The following VAV2 variants were observed in gnomAD, a reference collection of about 807,000 sequenced individuals.
VAV2 encodes the protein vav guanine nucleotide exchange factor 2.
A neutral mutation model predicts 132.5 loss-of-function variants in VAV2; 67 were observed. The observed-to-expected ratio is 0.51, with a 90% CI of 0.42 to 0.62. The LOEUF (loss-of-function observed/expected upper bound fraction) is 0.62, where lower values mean the gene tolerates loss of function less well. Ranked by LOEUF, VAV2 falls within the 20% of genes least tolerant of loss-of-function variation. The pLI, the probability that VAV2 is intolerant of heterozygous loss-of-function variation, is 0.00. For missense variants in VAV2, 938 were observed against 1,153.6 expected (o/e 0.81, Z 2.71); for synonymous variants, 492 against 443.5 (o/e 1.11, Z -1.37).
At chr9:133,927,590 C>A (rs1027077899) in intron 2 of VAV2, among the ~76,000 whole-genome samples, 1 of 152,224 alleles carries the variant, frequency 6.6e-6, no homozygotes, top group African/African-American at 2.4e-5. Flanking sequence ...CCCAGCACCC[C>A]AACTCACCCC....
intron 4 of VAV2, 102 bp from the exon 5 acceptor site, chr9:133,812,318 C>A: frequency 1.7e-6 from 2 of 1,160,894 alleles, no homozygotes; most frequent in Non-Finnish European, 2.5e-6. Flanking sequence ...GCGGCTGGGG[C>A]CACAGCGAGG....
intron 4 of VAV2, among the ~76,000 whole-genome samples, chr9:133,831,364 A>AG (rs959837328): frequency 6.6e-6 from 1 of 151,920 alleles, no homozygotes; most frequent in African/African-American, 2.4e-5. Flanking sequence ...TGAACCCTGG[A>AG]GGTGGAGGTT....
Position 133,794,356 on chromosome 9 carries a change from CG to C in VAV2, c.1101+1311del, listed in dbSNP as rs1834620904. ...GTGCTCGCTGCCCAGTGCAGCCGAGCGGGAATCTGAAGGTCTCTGGGACCAC... is the reference window on the plus strand; with the variant it reads ...GTGCTCGCTGCCCAGTGCAGCCGAGCGGAATCTGAAGGTCTCTGGGACCAC... On this transcript the variant is annotated intron_variant, in intron 12 of 29. Coordinates refer to ENST00000371850, the MANE Select transcript of VAV2 (RefSeq NM_001134398.2). The surrounding 1 kb of genome is among the most constrained non-coding windows in gnomAD (Gnocchi z 4.6). Among the ~76,000 whole-genome samples, 1 of 152,026 alleles carries C rather than the reference CG, an allele frequency of 6.6e-6. No homozygotes were observed. Among genetic ancestry groups the C allele is most frequent in the Non-Finnish European group, 1.5e-5 (1 of 67,992 alleles).
rs749277966 is a variant in VAV2 at position 133,824,019 on chromosome 9, C to T, written c.449+10253G>A. ...AGCAGGGTTTCGAGGTCACTGAAGC[C>T]CCCAGCCACGTGGCAGCAGGGCCTC... On this transcript the variant is annotated intron_variant, in intron 4 of 29. Coordinates refer to ENST00000371850, the MANE Select transcript of VAV2 (RefSeq NM_001134398.2). The surrounding 1 kb of genome is among the most constrained non-coding windows in gnomAD (Gnocchi z 5.2). Among the ~76,000 whole-genome samples the T allele has an allele frequency of 6.6e-5, 10 of 152,100 alleles. No individual in the cohort carries two copies. The highest frequency in any genetic ancestry group is 1.5e-4 in the Non-Finnish European group (10 of 68,026).
At chr9:133,967,347 G>A (rs887748290) in intron 1 of VAV2, among the ~76,000 whole-genome samples, 1 of 152,168 alleles carries the variant, frequency 6.6e-6, no homozygotes, top group Non-Finnish European at 1.5e-5. Context: ...AAACAGTACA[G>A]AGGGTCCTCA....
chr9:133,921,802 C>T (rs624234), intron 2 of VAV2, among the ~76,000 whole-genome samples: 53,398 of 152,082 alleles, frequency 0.35, 9,756 homozygotes, highest in East Asian at 0.55. Flanking sequence ...AGAAATCAAC[C>T]GCGGATGAAC....
At chr9:133,829,555 T>A in intron 4 of VAV2, among the ~76,000 whole-genome samples, 1 of 152,216 alleles carries the variant, frequency 6.6e-6, no homozygotes, top group Non-Finnish European at 1.5e-5. Flanking sequence ...CCACAAAACG[T>A]AGGCTGCCCA....
intron 1 of VAV2, among the ~76,000 whole-genome samples, chr9:133,982,914 T>C (rs1339965808): frequency 6.6e-6 from 1 of 152,158 alleles, no homozygotes; most frequent in Non-Finnish European, 1.5e-5. Flanking sequence ...GCTGCTGTCG[T>C]GCTGCAAGGG....
intron 2 of VAV2, among the ~76,000 whole-genome samples, chr9:133,931,102 A>G (rs1245655755): frequency 1.3e-5 from 2 of 152,194 alleles, no homozygotes; most frequent in East Asian, 1.9e-4. Context: ...TCCTGGGGCC[A>G]GGCAGGGTGG....
At position 133,959,557 on chromosome 9, in the gene VAV2, G is replaced by A. The variant is rs146364298; in HGVS notation, c.205-20338C>T. ...CAGAGGCACCAAGCACCCCGTGACC[G>A]TCTGGACGGAAGAAAGAGTAAGCAG... On this transcript the variant is annotated intron_variant, in intron 1 of 29. Coordinates refer to ENST00000371850, the MANE Select transcript of VAV2 (RefSeq NM_001134398.2). Among the ~76,000 whole-genome samples, 262 of 152,338 alleles carry A rather than the reference G, an allele frequency of 1.7e-3. 1 individual carries two copies. Among genetic ancestry groups the A allele is most frequent in the Non-Finnish European group, 2.8e-3 (189 of 68,042 alleles).
intron 16 of VAV2, 22 bp downstream of exon 16, chr9:133,787,224 G>A (rs1834262434): frequency 1.9e-6 from 3 of 1,572,022 alleles, no homozygotes; most frequent in East Asian, 4.6e-5. Flanking sequence ...CAGGTGGGAG[G>A]ACCTGGGCGC....
chr9:133,927,442 G>A (rs1840519534), intron 2 of VAV2, among the ~76,000 whole-genome samples: 1 of 152,204 alleles, frequency 6.6e-6, no homozygotes, highest in Non-Finnish European at 1.5e-5. Context: ...GCTCAGCCCA[G>A]AGGCTCTTGT....
chr9:133,821,590 G>T (rs907545130), intron 4 of VAV2, among the ~76,000 whole-genome samples: 2 of 152,164 alleles, frequency 1.3e-5, no homozygotes, highest in Non-Finnish European at 2.9e-5. Flanking sequence ...CAATGAGACG[G>T]CATTTAGCAC....
chr9:133,984,848 T>C (rs1842801318), intron 1 of VAV2, among the ~76,000 whole-genome samples: 2 of 150,720 alleles, frequency 1.3e-5, no homozygotes, highest in South Asian at 2.1e-4. Context: ...GCAAAGGTTG[T>C]AGTGAGCCAA....
chr9:133,823,904 C>T lies in VAV2; in HGVS notation c.449+10368G>A, dbSNP rs1055583534. ...ATGCGGAGCGGGCAGGGTGGTCACG[C>T]GCACCTGCTCTGCGTGCGTCAGAGG... On this transcript the variant is annotated intron_variant, in intron 4 of 29. Transcript: ENST00000371850. This position sits in a 1 kb window ranked among gnomAD's most constrained non-coding sequence, Gnocchi z 5.5. Among the ~76,000 whole-genome samples, 4 of 152,166 alleles carry T rather than the reference C, an allele frequency of 2.6e-5. No homozygotes were observed. Among genetic ancestry groups the T allele is most frequent in the African/African-American group, 4.8e-5 (2 of 41,440 alleles).
chr9:133,916,595 G>A (rs1216051566), intron 2 of VAV2, among the ~76,000 whole-genome samples: 1 of 152,054 alleles, frequency 6.6e-6, no homozygotes, highest in Non-Finnish European at 1.5e-5. Context: ...GGGAAAGGAG[G>A]GGGTGAACAG....
chr9:133,965,988 C>G (rs527795993), intron 1 of VAV2, among the ~76,000 whole-genome samples: 1 of 152,160 alleles, frequency 6.6e-6, no homozygotes, highest in African/African-American at 2.4e-5. Context: ...CACACATTTA[C>G]AGTCAACTCA....
chr9:133,815,152 G>A (rs922824211), intron 4 of VAV2, among the ~76,000 whole-genome samples: 1 of 151,962 alleles, frequency 6.6e-6, no homozygotes, highest in African/African-American at 2.4e-5. Flanking sequence ...AAGCCCGGGT[G>A]GACCTAGAAA....
At chr9:133,775,323 A>G (rs1833775981) in intron 24 of VAV2, among the ~76,000 whole-genome samples, 2 of 152,288 alleles carry the variant, frequency 1.3e-5, no homozygotes, top group South Asian at 4.2e-4. Flanking sequence ...TGTGGCCACC[A>G]GCCAGTCCCA....
Sources: allele counts gnomAD v4.1 joint callset (sites outside exome capture counted in the v4.1 genomes callset), GRCh38; gene constraint gnomAD v4.1.1; non-coding constraint Gnocchi (gnomAD v3.1); transcripts MANE v1.5; gene names NCBI Gene and HGNC (gene_info 2026-07-23, HGNC 2026-07-21).